Variants in ARID2 observed in about 807,000 individuals in gnomAD.
The protein encoded by ARID2 is AT-rich interaction domain 2, also known as AT-rich interactive domain-containing protein 2.
Under a neutral mutation model 184.6 loss-of-function variants are expected in ARID2, and 32 were observed. The ratio of observed to expected loss-of-function variants is 0.17; its 90% confidence interval spans 0.13 to 0.23. The LOEUF is 0.23. ARID2 is among the 10% of genes least tolerant of loss of function. The pLI is 1.00. For synonymous variants in ARID2, 836 were observed against 772.6 expected (o/e 1.08, Z -1.36); for missense variants, 1,696 against 2,197.6 (o/e 0.77, Z 4.56).
intron 3 of ARID2, among the ~76,000 whole-genome samples, chr12:45,773,362 A>C (rs1389899598): frequency 2.6e-5 from 4 of 152,046 alleles, no homozygotes; most frequent in Non-Finnish European, 1.5e-5. Flanking sequence ...ACCTAAACCT[A>C]AAGCAAGCAG....
chr12:45,872,045 AT>A (rs201650608), intron 16 of ARID2, among the ~76,000 whole-genome samples: 1,574 of 151,082 alleles, frequency 0.01, 10 homozygotes, highest in Non-Finnish European at 0.017. Flanking sequence ...ATTTTATTGA[AT>A]TTTTTTTCCC....
intron 3 of ARID2, among the ~76,000 whole-genome samples, chr12:45,741,320 C>A (rs981992680): frequency 1.3e-5 from 2 of 152,138 alleles, no homozygotes; most frequent in Non-Finnish European, 2.9e-5. Flanking sequence ...ACCACAGCCT[C>A]CCAAGTACCT....
At chr12:45,733,035 A>T (rs140300626) in intron 3 of ARID2, among the ~76,000 whole-genome samples, 35 of 152,242 alleles carry the variant, frequency 2.3e-4, no homozygotes, top group African/African-American at 7.9e-4. Flanking sequence ...CTTCAGATCA[A>T]ATTGGGCTTT....
chr12:45,871,974 G>T (rs1042645846), intron 16 of ARID2, among the ~76,000 whole-genome samples: 12 of 151,882 alleles, frequency 7.9e-5, no homozygotes, highest in African/African-American at 2.7e-4. Context: ...TTTCATTTCT[G>T]ATATTAATGA....
intron 3 of ARID2, among the ~76,000 whole-genome samples, chr12:45,749,695 G>A (rs1449463731): frequency 6.6e-6 from 1 of 152,184 alleles, no homozygotes; most frequent in Non-Finnish European, 1.5e-5. Flanking sequence ...TGGATATCCT[G>A]CTGTAGATTC....
chr12:45,815,118 C>T (rs1942782682), intron 4 of ARID2, among the ~76,000 whole-genome samples: 1 of 152,108 alleles, frequency 6.6e-6, no homozygotes, highest in Admixed American at 6.6e-5. Flanking sequence ...AAAACATAAA[C>T]TTTAGGACTG....
At chr12:45,860,717 A>T in intron 15 of ARID2, 84 bp from the exon 16 acceptor site, 1 of 787,114 alleles carries the variant, frequency 1.3e-6, no homozygotes, top group East Asian at 3.9e-5. Flanking sequence ...GTATAACAAC[A>T]TAATCAAATT....
At chr12:45,839,744 A>T in intron 11 of ARID2, 1 of 351,070 alleles carries the variant, frequency 2.8e-6, no homozygotes, top group South Asian at 9.6e-5. Context: ...TAATGTGATG[A>T]ATTAGATATT....
At chr12:45,788,516 A>G (rs1047700138) in intron 3 of ARID2, among the ~76,000 whole-genome samples, 28 of 152,162 alleles carry the variant, frequency 1.8e-4, no homozygotes, top group Admixed American at 3.3e-4. Context: ...ATTCATACTT[A>G]TTTACATGTA....
intron 16 of ARID2, among the ~76,000 whole-genome samples, chr12:45,889,886 C>T (rs944324581): frequency 6.6e-6 from 1 of 152,204 alleles, no homozygotes; most frequent in South Asian, 2.1e-4. Context: ...TGCATTGAGT[C>T]GAGATCGCAC....
rs759711754 is a variant in ARID2 at position 45,893,489 on chromosome 12, T to C, written c.5217T>C (p.Ala1739=). The change falls in exon 19 of 21, where the codon GCT becomes GCC. Residue 1739 remains alanine, a synonymous_variant. Transcript: ENST00000334344. ...AGGCCATTGTGAATCATCCCAGTGC[T>C]GCACTTATGGCTCTGAGGAGAGGAT... is the stretch of plus-strand genomic sequence containing the variant. ...AQKAIVNHPS[A]ALMALRRGSR... 2.3e-5 allele frequency: 37 copies of C among 1,614,090 alleles called. No homozygotes were observed. The highest frequency in any genetic ancestry group is 3.1e-5 in the Non-Finnish European group (37 of 1,179,942).
chr12:45,759,575 A>G (rs1941635599), intron 3 of ARID2, among the ~76,000 whole-genome samples: 2 of 152,186 alleles, frequency 1.3e-5, no homozygotes, highest in African/African-American at 4.8e-5. Context: ...TTATTGAAAT[A>G]GAGGAAAATA....
At chr12:45,771,031 G>A (rs143090038) in intron 3 of ARID2, among the ~76,000 whole-genome samples, 56 of 152,172 alleles carry the variant, frequency 3.7e-4, no homozygotes, top group African/African-American at 1.1e-3. Context: ...GAAAGCCGGC[G>A]ATCCCACATA....
Position 45,770,932 on chromosome 12 carries a change from G to T in ARID2, c.284+39618G>T, listed in dbSNP as rs1011638676. Reference sequence around the variant, plus strand: ...AAACTTTCTTTGGCTTGGGAGTGGGGTTTCACCAGGGAACCATCCCTATCT... The same window carrying T: ...AAACTTTCTTTGGCTTGGGAGTGGGTTTTCACCAGGGAACCATCCCTATCT... On this transcript the variant is annotated intron_variant, in intron 3 of 20. Transcript: ENST00000334344. Among the ~76,000 whole-genome samples the T allele has an allele frequency of 2.0e-5, 3 of 151,972 alleles. No homozygotes were observed. In the East Asian group the frequency reaches 5.8e-4, roughly 29 times the overall value.
At chr12:45,886,403 G>T (rs1345939445) in intron 16 of ARID2, among the ~76,000 whole-genome samples, 1 of 152,198 alleles carries the variant, frequency 6.6e-6, no homozygotes, top group Non-Finnish European at 1.5e-5. Flanking sequence ...TGCCATCATG[G>T]GTTGGCATTG....
chr12:45,780,096 C>T (rs1942060862), intron 3 of ARID2, among the ~76,000 whole-genome samples: 1 of 152,178 alleles, frequency 6.6e-6, no homozygotes, highest in Non-Finnish European at 1.5e-5. Context: ...ATGCTAACTA[C>T]ATGCTGGTTA....
chr12:45,773,068 A>G (rs1318599360), intron 3 of ARID2, among the ~76,000 whole-genome samples: 1 of 152,212 alleles, frequency 6.6e-6, no homozygotes, highest in Non-Finnish European at 1.5e-5. Flanking sequence ...TTTTCAAAGC[A>G]CAATAGAATG....
intron 16 of ARID2, among the ~76,000 whole-genome samples, chr12:45,861,617 C>G (rs1238733788): frequency 7.4e-6 from 1 of 134,448 alleles, no homozygotes; most frequent in Non-Finnish European, 1.5e-5. Context: ...CAGAGTCTCG[C>G]TCTGTTGTTC....
chr12:45,879,920 G>A lies in ARID2; in HGVS notation c.4923-11860G>A, dbSNP rs1298207439. Reference sequence around the variant, plus strand: ...TAAATTCTGTGTAATTGGAGAAAAGGACTTGATGCCTTTGAATAGTGGAGT... The same window carrying A: ...TAAATTCTGTGTAATTGGAGAAAAGAACTTGATGCCTTTGAATAGTGGAGT... On this transcript the variant is annotated intron_variant, in intron 16 of 20. Coordinates refer to ENST00000334344, the MANE Select transcript of ARID2 (RefSeq NM_152641.4). Among the ~76,000 whole-genome samples the A allele has an allele frequency of 2.0e-5, 3 of 152,252 alleles. No individual in the cohort carries two copies. In the East Asian group the frequency reaches 5.8e-4, roughly 29 times the overall value.
Sources: gnomAD v4.1 joint callset for allele counts (sites outside exome capture counted in the v4.1 genomes callset) on GRCh38, gnomAD v4.1.1 for gene constraint, MANE v1.5 for transcripts, NCBI Gene and HGNC (gene_info 2026-07-23, HGNC 2026-07-21) for gene names.